The following COP1 variants were observed in gnomAD, a reference collection of about 807,000 sequenced individuals.
The protein encoded by COP1 is COP1 E3 ubiquitin ligase.
Under a neutral mutation model 101.3 loss-of-function variants are expected in COP1, and 24 were observed. The observed-to-expected ratio is 0.24, with a 90% CI of 0.17 to 0.33. The LOEUF is 0.33. COP1 is among the 10% of genes least tolerant of loss of function. COP1 has a pLI of 1.00. For synonymous variants in COP1, 347 were observed against 341.9 expected, an observed-to-expected ratio of 1.01 and a Z score of -0.17; for missense variants, 663 against 906.2, an observed-to-expected ratio of 0.73 and a Z score of 3.45.
chr1:176,058,455 T>A (rs537561486), intron 11 of COP1, among the ~76,000 whole-genome samples: 1 of 152,328 alleles, frequency 6.6e-6, no homozygotes, highest in Admixed American at 6.5e-5. Flanking sequence ...TCTGTGACCT[T>A]ACCCCCAACC....
intron 15 of COP1, among the ~76,000 whole-genome samples, chr1:176,016,973 A>G (rs1417177763): frequency 6.6e-6 from 1 of 152,196 alleles, no homozygotes; most frequent in Non-Finnish European, 1.5e-5. Flanking sequence ...TTATTTCTGT[A>G]AATATTACAG....
intron 15 of COP1, among the ~76,000 whole-genome samples, chr1:176,008,658 C>T (rs1664026699): frequency 6.6e-6 from 1 of 151,924 alleles, no homozygotes; most frequent in South Asian, 2.1e-4. Context: ...GAAAAGCAGA[C>T]ACTTTGGAAA....
At chr1:176,170,673 G>A (rs1041069324) in intron 3 of COP1, among the ~76,000 whole-genome samples, 2 of 152,094 alleles carry the variant, frequency 1.3e-5, no homozygotes, top group Non-Finnish European at 2.9e-5. Flanking sequence ...AATTCTTAAG[G>A]GCTCTAGGAT....
rs140115176 is a variant in COP1, at chr1:176,051,321, T to C, written c.1278-4997A>G. 2.6e-3 allele frequency among the ~76,000 whole-genome samples: 399 copies of C among 152,306 alleles called. 3 individuals are homozygous for C. The highest frequency in any genetic ancestry group is 9.2e-3 in the African/African-American group (381 of 41,562). ...AAAAACACATTACAGTTATGTGCTATTTAAGGACATCTTATGTTCCCACAA... is the reference window on the plus strand; with the variant it reads ...AAAAACACATTACAGTTATGTGCTACTTAAGGACATCTTATGTTCCCACAA... On this transcript the variant is annotated intron_variant, in intron 11 of 19. Coordinates refer to ENST00000367669, the MANE Select transcript of COP1 (RefSeq NM_022457.7).
chr1:175,990,665 T>C (rs889891444), intron 15 of COP1, among the ~76,000 whole-genome samples: 3 of 152,172 alleles, frequency 2.0e-5, no homozygotes, highest in African/African-American at 7.2e-5. Context: ...AAGTTTGTTT[T>C]GAGGTGTGTT....
intron 14 of COP1, among the ~76,000 whole-genome samples, chr1:176,038,030 T>C (rs1308238937): frequency 6.6e-6 from 1 of 152,210 alleles, no homozygotes; most frequent in South Asian, 2.1e-4. Context: ...TAATTGGCTA[T>C]GTAGAAAATC....
chr1:176,168,722 C>T, intron 3 of COP1: 1 of 348,590 alleles, frequency 2.9e-6, no homozygotes, highest in Non-Finnish European at 5.8e-6. Context: ...CCAAGGGAGG[C>T]AGAGAGGAGC....
Position 176,046,237 on chromosome 1 carries a change from C to A in COP1, c.1365G>T (p.Gln455His). 1 of 1,607,766 alleles carries A rather than the reference C, an allele frequency of 6.2e-7. No homozygotes were observed. Among genetic ancestry groups the A allele is most frequent in the Non-Finnish European group, 8.5e-7 (1 of 1,177,360 alleles). ...CAGGGTAATGAATATCCACTGCATC[C>A]TGGATGACAGTGTCATATTCATAGA... ...IKVYEYDTVIQDAVDIHYPEN... is the reference protein window; with the variant it reads ...IKVYEYDTVIHDAVDIHYPEN... The change falls in exon 12 of 20, where the codon CAG becomes CAT. Residue 455 changes from glutamine to histidine, a missense_variant. Coordinates refer to ENST00000367669, the MANE Select transcript of COP1 (RefSeq NM_022457.7).
chr1:176,129,646 G>C (rs11579181), intron 8 of COP1, among the ~76,000 whole-genome samples: 1 of 151,732 alleles, frequency 6.6e-6, no homozygotes, highest in Non-Finnish European at 1.5e-5. Flanking sequence ...CCCAGCTGAA[G>C]GAGATAGAGA....
At chr1:176,177,914 T>C (rs1338445360) in intron 2 of COP1, among the ~76,000 whole-genome samples, 1 of 152,182 alleles carries the variant, frequency 6.6e-6, no homozygotes, top group Non-Finnish European at 1.5e-5. Context: ...AAAGTAACAG[T>C]GGTCTTTGGC....
intron 18 of COP1, among the ~76,000 whole-genome samples, chr1:175,955,860 A>C (rs1650587312): frequency 6.6e-6 from 1 of 150,740 alleles, no homozygotes; most frequent in Admixed American, 6.7e-5. Context: ...TACCTAAATA[A>C]ATTGACAGTT....
intron 15 of COP1, among the ~76,000 whole-genome samples, chr1:176,003,959 G>A (rs1311269604): frequency 6.6e-6 from 1 of 151,738 alleles, no homozygotes; most frequent in Non-Finnish European, 1.5e-5. Flanking sequence ...CCATTTTCAG[G>A]ATATTGATTC....
At chr1:175,960,233 T>A (rs956879876) in intron 18 of COP1, among the ~76,000 whole-genome samples, 1 of 152,190 alleles carries the variant, frequency 6.6e-6, no homozygotes, top group African/African-American at 2.4e-5. Context: ...GTAGATTAAA[T>A]GTCTTTGGAG....
chr1:176,058,129 GTGGGGT>G (rs1183476535), intron 11 of COP1, among the ~76,000 whole-genome samples: 42 of 50,012 alleles, frequency 8.4e-4, no homozygotes, highest in African/African-American at 1.7e-3. Context: ...CGGGAGGGAG[GTGGGGT>G]GGGGGGGGGG....
chr1:176,193,310 C>T (rs1208062718), intron 1 of COP1, among the ~76,000 whole-genome samples: 1 of 152,134 alleles, frequency 6.6e-6, no homozygotes, highest in East Asian at 1.9e-4. Context: ...AACCCTTATA[C>T]ATTGCTAGTA....
At chr1:176,052,217 T>G (rs563390100) in intron 11 of COP1, among the ~76,000 whole-genome samples, 1 of 152,276 alleles carries the variant, frequency 6.6e-6, no homozygotes, top group Non-Finnish European at 1.5e-5. Flanking sequence ...CAGCATTCAG[T>G]ACAGTAACAC....
intron 18 of COP1, chr1:175,968,569 T>G (rs1387846304): frequency 1.2e-5 from 6 of 500,734 alleles, no homozygotes; most frequent in African/African-American, 1.2e-4. Context: ...TAAGAAGACT[T>G]TTGTTAACCA....
chr1:176,076,642 A>G (rs1199573057), intron 11 of COP1, among the ~76,000 whole-genome samples: 1 of 152,158 alleles, frequency 6.6e-6, no homozygotes, highest in Non-Finnish European at 1.5e-5. Flanking sequence ...AATGAAATTG[A>G]GACCCAAAAG....
chr1:176,076,238 T>A (rs1022401046), intron 11 of COP1, among the ~76,000 whole-genome samples: 6 of 151,724 alleles, frequency 4.0e-5, no homozygotes, highest in African/African-American at 1.2e-4. Flanking sequence ...CAAGTCTCAA[T>A]AAATTAAAAA....
Sources: allele counts gnomAD v4.1 joint callset (sites outside exome capture counted in the v4.1 genomes callset), GRCh38; gene constraint gnomAD v4.1.1; transcripts MANE v1.5; gene names NCBI Gene and HGNC (gene_info 2026-07-23, HGNC 2026-07-21).